SORCS2: variants seen among roughly 807,000 people sequenced by gnomAD.
The protein encoded by SORCS2 is VPS10 domain-containing receptor SorCS2.
SORCS2 carries 100 observed loss-of-function variants against 141.6 expected under a neutral mutation model. The ratio of observed to expected loss-of-function variants is 0.71; its 90% CI spans 0.60 to 0.83. SORCS2 has a LOEUF of 0.83. SORCS2 is among the 40% of genes least tolerant of loss of function. The pLI, the probability that SORCS2 is intolerant of heterozygous loss-of-function variation, is 0.00. For synonymous variants in SORCS2, 789 were observed against 676.9 expected (o/e 1.17, Z -2.57); for missense variants, 1,646 against 1,560.2 (o/e 1.05, Z -0.93).
intron 1 of SORCS2, among the ~76,000 whole-genome samples, chr4:7,219,547 C>T (rs1183650762): frequency 6.6e-6 from 1 of 152,172 alleles, no homozygotes; most frequent in Admixed American, 6.5e-5. Flanking sequence ...AACTTACGAT[C>T]ATGGTGGAAG....
chr4:7,484,600 C>T (rs1730859052), intron 2 of SORCS2, among the ~76,000 whole-genome samples: 1 of 152,152 alleles, frequency 6.6e-6, no homozygotes. Flanking sequence ...AAGGCCTCTG[C>T]ACCTGGGGAG....
At chr4:7,496,775 C>T (rs570477213) in intron 2 of SORCS2, among the ~76,000 whole-genome samples, 1 of 152,088 alleles carries the variant, frequency 6.6e-6, no homozygotes, top group South Asian at 2.1e-4. Context: ...GCGCCTTCAC[C>T]AGGCGGGAGA....
chr4:7,216,303 G>A (rs943384459), intron 1 of SORCS2, among the ~76,000 whole-genome samples: 3 of 152,158 alleles, frequency 2.0e-5, no homozygotes, highest in Non-Finnish European at 4.4e-5. Context: ...GAGCTCCACC[G>A]CCCAGCCCAG....
At chr4:7,616,413 A>C (rs367677060) in intron 3 of SORCS2, among the ~76,000 whole-genome samples, 3 of 152,050 alleles carry the variant, frequency 2.0e-5, no homozygotes, top group South Asian at 2.1e-4. Flanking sequence ...CTATCCATCC[A>C]TCCATCCACT....
chr4:7,380,754 A>C (rs939156445), intron 1 of SORCS2, among the ~76,000 whole-genome samples: 1 of 152,314 alleles, frequency 6.6e-6, no homozygotes, highest in South Asian at 2.1e-4. Flanking sequence ...TTTGTTTTCT[A>C]TTTATGGCCG....
chr4:7,641,817 G>T (rs113282074), intron 4 of SORCS2, among the ~76,000 whole-genome samples: 2,840 of 127,362 alleles, frequency 0.022, 59 homozygotes, highest in African/African-American at 0.044. Context: ...TGGATGGATG[G>T]GTGGGTGGAT....
chr4:7,452,028 C>T (rs1021180552), intron 2 of SORCS2, among the ~76,000 whole-genome samples: 25 of 152,264 alleles, frequency 1.6e-4, no homozygotes, highest in Admixed American at 9.8e-4. Flanking sequence ...CCCAGCTGCC[C>T]GGCTCCTCCT....
chr4:7,409,758 C>A (rs1725186281), intron 2 of SORCS2, among the ~76,000 whole-genome samples: 1 of 152,180 alleles, frequency 6.6e-6, no homozygotes, highest in South Asian at 2.1e-4. Flanking sequence ...AGTCTTTTCA[C>A]TTCTCTGTGG....
intron 1 of SORCS2, among the ~76,000 whole-genome samples, chr4:7,231,681 C>T (rs1046292478): frequency 6.6e-6 from 1 of 152,220 alleles, no homozygotes; most frequent in African/African-American, 2.4e-5. Flanking sequence ...CACCAGGGGC[C>T]AGGCAGCATC....
At chr4:7,360,571 C>CTTTT (rs753548897) in intron 1 of SORCS2, among the ~76,000 whole-genome samples, 1,041 of 49,224 alleles carry the variant, frequency 0.021, 268 homozygotes, top group African/African-American at 0.091. Flanking sequence ...CCAGTCCCTT[C>CTTTT]TTTTTTTTTT....
intron 3 of SORCS2, among the ~76,000 whole-genome samples, chr4:7,593,132 A>C (rs1717027712): frequency 6.6e-6 from 1 of 152,110 alleles, no homozygotes. Context: ...GCACCCCTGC[A>C]CTCCAGCCTG....
At chr4:7,361,807 C>G (rs528818304) in intron 1 of SORCS2, among the ~76,000 whole-genome samples, 1 of 150,172 alleles carries the variant, frequency 6.7e-6, no homozygotes, top group Admixed American at 6.7e-5. Context: ...ATGCTAATGC[C>G]GGGCAAGGCT....
intron 2 of SORCS2, among the ~76,000 whole-genome samples, chr4:7,436,628 T>C (rs560268281): frequency 1.2e-3 from 187 of 152,362 alleles, no homozygotes; most frequent in African/African-American, 4.4e-3. Flanking sequence ...TGACCCACGC[T>C]GCTGTGTTTA....
chr4:7,359,007 C>G (rs1449105153), intron 1 of SORCS2, among the ~76,000 whole-genome samples: 1 of 152,060 alleles, frequency 6.6e-6, no homozygotes, highest in African/African-American at 2.4e-5. Flanking sequence ...CTCGGCTAAT[C>G]AAAAAAATTT....
intron 1 of SORCS2, among the ~76,000 whole-genome samples, chr4:7,395,264 C>T (rs1455975960): frequency 3.3e-5 from 5 of 152,200 alleles, no homozygotes; most frequent in Non-Finnish European, 7.3e-5. Context: ...TAGGACCGAG[C>T]GCAGGGAGCT....
intron 25 of SORCS2, among the ~76,000 whole-genome samples, chr4:7,735,713 G>A (rs1712109016): frequency 6.6e-6 from 1 of 152,186 alleles, no homozygotes; most frequent in South Asian, 2.1e-4. Flanking sequence ...GGGTTCCGTA[G>A]GCACTGCAAA....
At chr4:7,474,728 T>C (rs980810466) in intron 2 of SORCS2, among the ~76,000 whole-genome samples, 1 of 152,162 alleles carries the variant, frequency 6.6e-6, no homozygotes, top group Non-Finnish European at 1.5e-5. Context: ...GTTCCAGAAG[T>C]CTCTGTCTTT....
intron 1 of SORCS2, among the ~76,000 whole-genome samples, chr4:7,395,241 G>A (rs1207902237): frequency 1.3e-5 from 2 of 152,240 alleles, no homozygotes; most frequent in African/African-American, 2.4e-5. Context: ...TGCCATCTGT[G>A]GAAACGGCAC....
At chr4:7,697,390 C>A in intron 12 of SORCS2, 116 bp downstream of exon 12, 1 of 866,748 alleles carries the variant, frequency 1.2e-6, no homozygotes, top group Non-Finnish European at 1.8e-6. Context: ...AAGCTCTGAG[C>A]CATGTCTCCC....
Sources: allele counts gnomAD v4.1 joint callset (sites outside exome capture counted in the v4.1 genomes callset), GRCh38; gene constraint gnomAD v4.1.1; transcripts MANE v1.5; gene names NCBI Gene and HGNC (gene_info 2026-07-23, HGNC 2026-07-21).